AHNAK: variants seen among roughly 807,000 people sequenced by gnomAD.
AHNAK encodes the protein neuroblast differentiation-associated protein AHNAK.
In AHNAK, 23 loss-of-function variants were observed where a neutral mutation model predicts 37.8. The observed-to-expected ratio is 0.61, with a 90% confidence interval of 0.44 to 0.86. AHNAK has a LOEUF of 0.86. Ranked by LOEUF, AHNAK falls within the 40% of genes least tolerant of loss-of-function variation. AHNAK has a pLI of 0.00. For missense variants in AHNAK, 7,411 were observed against 7,319.4 expected (o/e 1.01, Z -0.46); for synonymous variants, 2,481 against 2,636.3 (o/e 0.94, Z 1.80).
intron 4 of AHNAK, among the ~76,000 whole-genome samples, chr11:62,510,890 G>A (rs1439179924): frequency 2.0e-5 from 3 of 151,338 alleles, no homozygotes; most frequent in Non-Finnish European, 2.9e-5. Flanking sequence ...GCAACTTCTC[G>A]GTAGATTTGC....
chr11:62,475,015 A>G (rs905184836), intron 5 of AHNAK, among the ~76,000 whole-genome samples: 3 of 151,962 alleles, frequency 2.0e-5, no homozygotes, highest in African/African-American at 7.3e-5. Flanking sequence ...TTAAAAGGGG[A>G]CCCTGGGCCG....
At chr11:62,459,313 C>T (rs1290637259) in intron 5 of AHNAK, among the ~76,000 whole-genome samples, 1 of 152,180 alleles carries the variant, frequency 6.6e-6, no homozygotes, top group East Asian at 1.9e-4. Context: ...CCTGCTTCTC[C>T]AGCCTCTCCC....
rs57544040 is a variant in AHNAK, at chr11:62,488,565, ATTT to A, written c.442+3164_442+3166del. Among the ~76,000 whole-genome samples, 650 of 133,952 alleles carry A rather than the reference ATTT, an allele frequency of 4.9e-3. 6 individuals carry two copies. The highest frequency in any genetic ancestry group is 0.018 in the African/African-American group (611 of 34,536). The allele number at this position is 133,952 out of a possible 152,430, so 87.9% of individuals were successfully genotyped here. On this transcript the variant is annotated intron_variant, in intron 5 of 5. Transcript: ENST00000257247. ...TACAGGCGCCCACCATGCCCAGCTA[ATTT>A]TTTTTTTTTTTTTTTGTATTTTCAG...
At chr11:62,491,921 A>G in intron 4 of AHNAK, 1 of 1,203,870 alleles carries the variant, frequency 8.3e-7, no homozygotes, top group South Asian at 1.4e-5. Context: ...TGTATAAAAT[A>G]CCAGAGACCC....
At position 62,529,649 on chromosome 11, in the gene AHNAK, C is replaced by T; in HGVS notation, c.4768G>A (p.Ala1590Thr). The T allele has an allele frequency of 1.2e-6, 2 of 1,614,154 alleles. No homozygotes were observed. Among genetic ancestry groups the T allele is most frequent in the South Asian group, 2.2e-5 (2 of 91,076 alleles). Residue 1590 changes from alanine to threonine, a missense_variant, in exon 5 of 5, where the codon GCC becomes ACC. Ala to Thr is a moderately conservative substitution (Grantham distance 58). Transcript: ENST00000378024. Reference sequence around the variant, plus strand: ...TCTACATCAGTTTTCAGTTTAGGGGCTTTCAAATTAAGTCCAACATCAGGC... The same window carrying T: ...TCTACATCAGTTTTCAGTTTAGGGGTTTTCAAATTAAGTCCAACATCAGGC... ...SMPDVGLNLK[A>T]PKLKTDVDVS...
In AHNAK at chr11:62,525,536, G is replaced by A. The variant is rs1393389313; in HGVS notation, c.8881C>T (p.Pro2961Ser). 14 of 1,613,778 alleles carry A rather than the reference G, an allele frequency of 8.7e-6. No homozygotes were observed. The highest frequency in any genetic ancestry group is 1.2e-5 in the Non-Finnish European group (14 of 1,179,978). Residue 2961 changes from proline to serine, a missense_variant, in exon 5 of 5, where the codon CCC becomes TCC. By Grantham distance (74) the Pro-to-Ser change is moderately conservative. Transcript: ENST00000378024. ...TCAAAGTCAGGCATGGGGATCTTGG[G>A]GGCTTTGATATTCATCTCTGGCATC... The part of the protein sequence containing the change: ...FKMPEMNIKA[P>S]KIPMPDFDLH...
chr11:62,541,237 G>A (rs1409740704), intron 1 of AHNAK, among the ~76,000 whole-genome samples: 1 of 152,220 alleles, frequency 6.6e-6, no homozygotes, highest in African/African-American at 2.4e-5. Context: ...GCCCATGACT[G>A]TGCATCCACC....
intron 1 of AHNAK, among the ~76,000 whole-genome samples, chr11:62,538,969 C>G (rs1414131263): frequency 2.0e-5 from 3 of 152,182 alleles, no homozygotes; most frequent in Non-Finnish European, 4.4e-5. Context: ...GACCCCAGCC[C>G]CCGACAGCCA....
Position 62,532,261 on chromosome 11 carries a change from A to G in AHNAK, c.2156T>C (p.Val719Ala), listed in dbSNP as rs1353097681. Residue 719 changes from valine to alanine, a missense_variant, in exon 5 of 5, where the codon GTA becomes GCA. Coordinates refer to ENST00000378024, the MANE Select transcript of AHNAK (RefSeq NM_001620.3). Reference sequence around the variant, plus strand: ...TTTGAGTTCTCCTTCCAGCTTTGGTACAGTTACATCATACTCTCCCTTCAC... The same window carrying G: ...TTTGAGTTCTCCTTCCAGCTTTGGTGCAGTTACATCATACTCTCCCTTCAC... The part of the protein sequence containing the change: ...TKVKGEYDVT[V>A]PKLEGELKGP... 2.5e-6 allele frequency: 4 copies of G among 1,614,014 alleles called. No homozygotes were observed. Among genetic ancestry groups the G allele is most frequent in the Non-Finnish European group, 3.4e-6 (4 of 1,180,010 alleles).
Position 62,531,111 on chromosome 11 carries a change from G to A in AHNAK, c.3306C>T (p.Asp1102=), listed in dbSNP as rs200229614. ...TAATATCTACCTTGGGACCTCTGAT[G>A]TCCACATCTGGAACCTGCATTTCAC... The part of the protein sequence containing the change: ...IEGEMQVPDV[D]IRGPKVDIKA... The change falls in exon 5 of 5, where the codon GAC becomes GAT. Residue 1102 remains aspartate (D), a synonymous_variant. Coordinates refer to ENST00000378024, the MANE Select transcript of AHNAK (RefSeq NM_001620.3). 6.2e-7 allele frequency: 1 copy of A among 1,614,076 alleles called. No individual in the cohort carries two copies. The highest frequency in any genetic ancestry group is 8.5e-7 in the Non-Finnish European group (1 of 1,180,024).
Position 62,528,113 on chromosome 11 carries a change from C to T in AHNAK, c.6304G>A (p.Gly2102Ser), listed in dbSNP as rs2075195345. The change falls in exon 5 of 5, where the codon GGC becomes AGC. Residue 2102 changes from glycine to serine, a missense_variant. Physicochemically the swap from Gly to Ser is moderately conservative, Grantham distance 56. Coordinates refer to ENST00000378024, the MANE Select transcript of AHNAK (RefSeq NM_001620.3). ...ATCTCAGGCATCTTAAGCTTGGGGC[C>T]CTTCAGCTTCCCTTCTGGACCTTCA... Reference protein sequence around the residue: ...SLEGPEGKLKGPKLKMPEMHF... With the variant: ...SLEGPEGKLKSPKLKMPEMHF... 7 of 1,611,348 alleles carry T rather than the reference C, an allele frequency of 4.3e-6. No individual in the cohort carries two copies. The highest frequency in any genetic ancestry group is 1.7e-5 in the Admixed American group (1 of 59,604).
At chr11:62,441,855 C>T (rs1938312776) in intron 5 of AHNAK, among the ~76,000 whole-genome samples, 1 of 152,140 alleles carries the variant, frequency 6.6e-6, no homozygotes, top group African/African-American at 2.4e-5. Flanking sequence ...TCAGTTCACC[C>T]TCACCGAGCC....
chr11:62,441,526 G>A (rs999445084), intron 5 of AHNAK, among the ~76,000 whole-genome samples: 1 of 151,518 alleles, frequency 6.6e-6, no homozygotes, highest in Non-Finnish European at 1.5e-5. Flanking sequence ...GTTTGAGATG[G>A]TGTCTCACTC....
chr11:62,480,026 C>T (rs557064428), intron 5 of AHNAK, among the ~76,000 whole-genome samples: 2 of 152,172 alleles, frequency 1.3e-5, no homozygotes, highest in East Asian at 3.9e-4. Context: ...GGCCTCACAC[C>T]CCTCACCCCT....
chr11:62,529,072 G>C lies in AHNAK; in HGVS notation c.5345C>G (p.Ser1782Cys). Residue 1782 changes from serine (S) to cysteine (C), a missense_variant, in exon 5 of 5, where the codon TCC becomes TGC. Coordinates refer to ENST00000378024, the MANE Select transcript of AHNAK (RefSeq NM_001620.3). ...CAAATTCAAGTCCACATCTGGCATG[G>C]AGACCTTGGGAGCTTTTATATTCAA... ...PKLNIKAPKV[S>C]MPDVDLNLKG... The C allele has an allele frequency of 6.2e-7, 1 of 1,614,172 alleles. No individual in the cohort carries two copies. Among genetic ancestry groups the C allele is most frequent in the Non-Finnish European group, 8.5e-7 (1 of 1,180,038 alleles).
downstream of AHNAK, among the ~76,000 whole-genome samples, chr11:62,513,270 C>T (rs920390428): frequency 2.6e-5 from 4 of 152,214 alleles, no homozygotes; most frequent in African/African-American, 9.6e-5. Context: ...GGCGCCATGG[C>T]TCACGCCTGT....
intron 1 of AHNAK, among the ~76,000 whole-genome samples, chr11:62,540,562 A>C (rs1941088486): frequency 6.6e-6 from 1 of 152,164 alleles, no homozygotes; most frequent in Non-Finnish European, 1.5e-5. Flanking sequence ...GTAATCCCAG[A>C]ACTTTGGGAG....
Position 62,527,948 on chromosome 11 carries a change from C to A in AHNAK, c.6469G>T (p.Asp2157Tyr), listed in dbSNP as rs1325422048. The change falls in exon 5 of 5, where the codon GAT (aspartate) becomes TAT (tyrosine). Residue 2157 changes from aspartate to tyrosine, a missense_variant. Physicochemically the swap from Asp to Tyr is radical, Grantham distance 160 (BLOSUM62 -3). Coordinates refer to ENST00000378024, the MANE Select transcript of AHNAK (RefSeq NM_001620.3). ...TGPSVDVEVPDVELECPDAKL... is the reference protein window; with the variant it reads ...TGPSVDVEVPYVELECPDAKL... ...GCATCAGGACACTCCAGCTCAACAT[C>A]AGGCACCTCCACATCCACACTGGGG... 6.2e-7 allele frequency: 1 copy of A among 1,613,064 alleles called. No individual in the cohort carries two copies. Among genetic ancestry groups the A allele is most frequent in the Non-Finnish European group, 8.5e-7 (1 of 1,179,762 alleles).
Position 62,518,726 on chromosome 11 carries a change from T to G in AHNAK, c.15691A>C (p.Ile5231Leu). Residue 5231 changes from isoleucine (I) to leucine (L), a missense_variant, in exon 5 of 5, where the codon ATT becomes CTT. Coordinates refer to ENST00000378024, the MANE Select transcript of AHNAK (RefSeq NM_001620.3). ...DVDLQGPEAK[I>L]KFPKFSMPKI... ...GGCATGGAAAACTTGGGGAACTTAA[T>G]TTTTGCTTCTGGACCTTGCAGATCT... 1 of 1,614,138 alleles carries G rather than the reference T, an allele frequency of 6.2e-7. No individual in the cohort carries two copies. Among genetic ancestry groups the G allele is most frequent in the East Asian group, 2.2e-5 (1 of 44,884 alleles).
Sources: gnomAD v4.1 joint callset for allele counts (sites outside exome capture counted in the v4.1 genomes callset) on GRCh38, gnomAD v4.1.1 for gene constraint, MANE v1.5 for transcripts, NCBI Gene and HGNC (gene_info 2026-07-23, HGNC 2026-07-21) for gene names.